SLC35F4: variants seen among roughly 807,000 people sequenced by gnomAD.
SLC35F4 encodes the protein solute carrier family 35 member F4, also known as chromosome 14 open reading frame 36.
A neutral mutation model predicts 44.2 loss-of-function variants in SLC35F4; 24 were observed. The ratio of observed to expected loss-of-function variants is 0.54; its 90% CI spans 0.39 to 0.76. The LOEUF (loss-of-function observed/expected upper bound fraction) is 0.76, where lower values mean the gene tolerates loss of function less well. Ranked by LOEUF, SLC35F4 falls within the 30% of genes least tolerant of loss-of-function variation. SLC35F4 has a pLI of 0.00. For synonymous variants in SLC35F4, 238 were observed against 223.6 expected (o/e 1.06, Z -0.57); for missense variants, 562 against 586.1 (o/e 0.96, Z 0.42).
chr14:57,851,095 T>C (rs1886517085), intron 1 of SLC35F4, among the ~76,000 whole-genome samples: 1 of 152,178 alleles, frequency 6.6e-6, no homozygotes, highest in Admixed American at 6.5e-5. Flanking sequence ...TGAAGAAAAC[T>C]GGGTGTCATG....
chr14:57,564,490 C>A, intron 7 of SLC35F4, 114 bp from the exon 8 acceptor site: 1 of 1,396,034 alleles, frequency 7.2e-7, no homozygotes, highest in Non-Finnish European at 9.5e-7. Context: ...TTTATTCTTC[C>A]AAGTTAGTGT....
chr14:57,660,303 A>T (rs1184784579), intron 1 of SLC35F4, among the ~76,000 whole-genome samples: 1 of 152,160 alleles, frequency 6.6e-6, no homozygotes, highest in Non-Finnish European at 1.5e-5. Flanking sequence ...AACAAAACAT[A>T]GTATCTGGAA....
intron 1 of SLC35F4, among the ~76,000 whole-genome samples, chr14:57,640,389 T>C (rs931049413): frequency 5.3e-5 from 8 of 152,020 alleles, no homozygotes; most frequent in Admixed American, 5.3e-4. Context: ...AGAAAATGTA[T>C]AAAAACTTCA....
intron 1 of SLC35F4, among the ~76,000 whole-genome samples, chr14:57,755,587 A>C (rs1425710432): frequency 1.3e-5 from 2 of 152,178 alleles, no homozygotes; most frequent in Non-Finnish European, 2.9e-5. Flanking sequence ...TGTTGTCCCA[A>C]GTGCTCCATT....
At chr14:57,723,323 T>C (rs900318168) in intron 1 of SLC35F4, among the ~76,000 whole-genome samples, 1 of 152,172 alleles carries the variant, frequency 6.6e-6, no homozygotes, top group Non-Finnish European at 1.5e-5. Flanking sequence ...ATGGAAACAA[T>C]TAGAGCTGCC....
intron 1 of SLC35F4, among the ~76,000 whole-genome samples, chr14:57,774,182 G>C (rs1426105794): frequency 1.3e-5 from 2 of 152,104 alleles, no homozygotes; most frequent in Admixed American, 1.3e-4. Flanking sequence ...GAACAGAGAG[G>C]GAAGACACAG....
chr14:57,786,659 G>A (rs1433955097), intron 1 of SLC35F4, among the ~76,000 whole-genome samples: 4 of 152,168 alleles, frequency 2.6e-5, no homozygotes, highest in African/African-American at 9.7e-5. Flanking sequence ...AGACCCAGAA[G>A]AGAGACAACG....
At chr14:57,601,778 T>A (rs1335063327) in intron 1 of SLC35F4, among the ~76,000 whole-genome samples, 1 of 152,186 alleles carries the variant, frequency 6.6e-6, no homozygotes, top group Non-Finnish European at 1.5e-5. Flanking sequence ...AAAATAAAAA[T>A]GCCTACTATT....
At chr14:57,729,340 A>C (rs547293439) in intron 1 of SLC35F4, among the ~76,000 whole-genome samples, 1 of 152,134 alleles carries the variant, frequency 6.6e-6, no homozygotes, top group Non-Finnish European at 1.5e-5. Flanking sequence ...AAGAGCTGGA[A>C]ATGTGCTGGA....
intron 1 of SLC35F4, among the ~76,000 whole-genome samples, chr14:57,608,468 A>G (rs1411955306): frequency 6.6e-6 from 1 of 152,200 alleles, no homozygotes; most frequent in African/African-American, 2.4e-5. Context: ...AAGATTGCCA[A>G]AAAATCACTA....
At chr14:57,698,585 T>G in intron 1 of SLC35F4, among the ~76,000 whole-genome samples, 1 of 151,926 alleles carries the variant, frequency 6.6e-6, no homozygotes, top group Non-Finnish European at 1.5e-5. Flanking sequence ...AGGTTAAGTT[T>G]CAAAGAGCTA....
intron 1 of SLC35F4, among the ~76,000 whole-genome samples, chr14:57,739,299 C>G (rs2076546045): frequency 6.6e-6 from 1 of 152,196 alleles, no homozygotes; most frequent in Non-Finnish European, 1.5e-5. Flanking sequence ...CTCCAGGACT[C>G]AGGCATTCAG....
intron 1 of SLC35F4, among the ~76,000 whole-genome samples, chr14:57,636,831 C>T (rs1412924659): frequency 6.6e-6 from 1 of 151,990 alleles, no homozygotes; most frequent in Non-Finnish European, 1.5e-5. Flanking sequence ...ATCTGGCAAC[C>T]CTATACATTA....
At chr14:57,955,118 G>A in intron 1 of SLC35F4, among the ~76,000 whole-genome samples, 1 of 152,120 alleles carries the variant, frequency 6.6e-6, no homozygotes, top group East Asian at 1.9e-4. Flanking sequence ...TTCATCCCTG[G>A]TATGCAAGGC....
chr14:57,765,246 T>C (rs373730460), intron 1 of SLC35F4, among the ~76,000 whole-genome samples: 29 of 152,344 alleles, frequency 1.9e-4, no homozygotes, highest in African/African-American at 5.8e-4. Flanking sequence ...AAGATGTAGA[T>C]AGGAGTGGAG....
chr14:57,666,951 G>T (rs1046322157), intron 1 of SLC35F4, among the ~76,000 whole-genome samples: 2 of 151,282 alleles, frequency 1.3e-5, no homozygotes, highest in African/African-American at 4.9e-5. Flanking sequence ...GTTCTAGAAA[G>T]GCCAAATGCA....
intron 1 of SLC35F4, among the ~76,000 whole-genome samples, chr14:57,919,526 A>G (rs950633754): frequency 6.6e-6 from 1 of 152,120 alleles, no homozygotes; most frequent in African/African-American, 2.4e-5. Context: ...GAGTTGTGGG[A>G]AAGCGGGGAA....
intron 1 of SLC35F4, among the ~76,000 whole-genome samples, chr14:57,781,183 T>A (rs528857627): frequency 3.9e-5 from 6 of 152,278 alleles, no homozygotes; most frequent in African/African-American, 1.2e-4. Context: ...AAAGGTCTAA[T>A]ATCCAGCATC....
chr14:57,979,173 G>C (rs1197986023), intron 1 of SLC35F4, among the ~76,000 whole-genome samples: 1 of 152,180 alleles, frequency 6.6e-6, no homozygotes, highest in East Asian at 1.9e-4. Flanking sequence ...GGAAAATAAA[G>C]ATTGGGTCAC....
Sources: gnomAD v4.1 joint callset for allele counts (sites outside exome capture counted in the v4.1 genomes callset) on GRCh38, gnomAD v4.1.1 for gene constraint, MANE v1.5 for transcripts, NCBI Gene and HGNC (gene_info 2026-07-23, HGNC 2026-07-21) for gene names.